The following PAN3 variants were observed in gnomAD, a reference collection of about 807,000 sequenced individuals.
The protein encoded by PAN3 is poly(A) specific ribonuclease subunit PAN3, also known as PAN2-PAN3 deadenylation complex subunit PAN3.
In PAN3, 19 loss-of-function variants were observed where a neutral mutation model predicts 96.2. That is an observed-to-expected ratio of 0.20 (90% CI 0.14 to 0.29). PAN3 has a LOEUF of 0.29. Ranked by LOEUF, PAN3 falls within the 10% of genes least tolerant of loss-of-function variation. The pLI is 1.00. For synonymous variants in PAN3, 433 were observed against 406.6 expected (o/e 1.06, Z -0.78); for missense variants, 882 against 1,108.1 (o/e 0.80, Z 2.90).
intron 1 of PAN3, 59 bp from the exon 2 acceptor site, chr13:28,174,212 GA>G (rs1406288017): frequency 4.0e-6 from 6 of 1,518,488 alleles, no homozygotes; most frequent in Non-Finnish European, 5.4e-6. Flanking sequence ...ACACAGAAGT[GA>G]AATCAATGTT....
intron 1 of PAN3, among the ~76,000 whole-genome samples, chr13:28,143,625 T>C (rs2137920276): frequency 6.6e-6 from 1 of 152,226 alleles, no homozygotes; most frequent in Non-Finnish European, 1.5e-5. Context: ...ATCTGGAAAA[T>C]GGAGATGTTA....
chr13:28,222,136 GC>G (rs1881477148), intron 6 of PAN3, among the ~76,000 whole-genome samples: 1 of 152,046 alleles, frequency 6.6e-6, no homozygotes, highest in South Asian at 2.1e-4. Flanking sequence ...AAAAAAATTA[GC>G]CTTTTCAATT....
At chr13:28,272,137 A>G (rs1208996866) in intron 14 of PAN3, 66 bp downstream of exon 14, 4 of 1,195,122 alleles carry the variant, frequency 3.3e-6, no homozygotes, top group Non-Finnish European at 4.7e-6. Context: ...TGTTCATTTT[A>G]AAGTATTTCA....
At chr13:28,249,669 C>T (rs1322220063) in intron 6 of PAN3, among the ~76,000 whole-genome samples, 5 of 151,986 alleles carry the variant, frequency 3.3e-5, no homozygotes, top group African/African-American at 7.3e-5. Flanking sequence ...AGGCTGGTCT[C>T]GAACTCCTGA....
chr13:28,218,350 A>G (rs1466944157), intron 5 of PAN3, among the ~76,000 whole-genome samples: 2 of 152,032 alleles, frequency 1.3e-5, no homozygotes, highest in African/African-American at 4.8e-5. Context: ...TCTGCCATTT[A>G]AATTATTTTA....
intron 5 of PAN3, among the ~76,000 whole-genome samples, chr13:28,201,534 A>G (rs1267355646): frequency 6.6e-6 from 1 of 151,902 alleles, no homozygotes; most frequent in African/African-American, 2.4e-5. Context: ...CAACAGAGCA[A>G]GACTCCATCT....
intron 1 of PAN3, among the ~76,000 whole-genome samples, chr13:28,173,715 C>T (rs1874593738): frequency 6.6e-6 from 1 of 152,192 alleles, no homozygotes; most frequent in South Asian, 2.1e-4. Context: ...GACACAGTGT[C>T]CCGTTGATTG....
At chr13:28,143,521 A>G (rs984605040) in intron 1 of PAN3, among the ~76,000 whole-genome samples, 1 of 152,206 alleles carries the variant, frequency 6.6e-6, no homozygotes, top group African/African-American at 2.4e-5. Flanking sequence ...TAATGTAGTT[A>G]CTAGTGAATA....
intron 6 of PAN3, among the ~76,000 whole-genome samples, chr13:28,254,274 T>C (rs147300636): frequency 4.5e-4 from 68 of 152,360 alleles, no homozygotes; most frequent in Non-Finnish European, 2.9e-5. Context: ...GTAATTATTT[T>C]GATCTTTTAA....
chr13:28,289,536 G>A (rs927318075), intron 18 of PAN3, among the ~76,000 whole-genome samples: 5 of 152,174 alleles, frequency 3.3e-5, no homozygotes, highest in African/African-American at 1.2e-4. Flanking sequence ...CCCCCAAAGT[G>A]TTGGGATAAT....
intron 6 of PAN3, among the ~76,000 whole-genome samples, chr13:28,228,247 C>T (rs977757980): frequency 6.6e-6 from 1 of 152,120 alleles, no homozygotes; most frequent in Admixed American, 6.5e-5. Flanking sequence ...CTTGAATTAT[C>T]CTTTGATTCT....
At chr13:28,189,743 A>G (rs1876992317) in intron 4 of PAN3, among the ~76,000 whole-genome samples, 1 of 152,160 alleles carries the variant, frequency 6.6e-6, no homozygotes. Context: ...GACCAGGAGC[A>G]TCTGCAGTCT....
intron 1 of PAN3, among the ~76,000 whole-genome samples, chr13:28,159,551 C>T (rs534285740): frequency 3.3e-5 from 5 of 152,192 alleles, no homozygotes; most frequent in East Asian, 3.9e-4. Context: ...CTGGTTCAAA[C>T]GATTCTCCTG....
intron 1 of PAN3, among the ~76,000 whole-genome samples, chr13:28,166,330 A>G (rs1030976569): frequency 4.6e-5 from 7 of 152,258 alleles, no homozygotes; most frequent in Non-Finnish European, 1.0e-4. Flanking sequence ...CCCAAAACCC[A>G]GCAAGGCAAA....
intron 1 of PAN3, among the ~76,000 whole-genome samples, chr13:28,167,326 A>T (rs112617741): frequency 0.019 from 2,914 of 151,570 alleles, 107 homozygotes; most frequent in African/African-American, 0.067. Flanking sequence ...TGCCTGGCTG[A>T]TGTTTGTATT....
At chr13:28,144,228 TTTTTTTG>T (rs1870274167) in intron 1 of PAN3, among the ~76,000 whole-genome samples, 1 of 145,620 alleles carries the variant, frequency 6.9e-6, no homozygotes, top group African/African-American at 2.5e-5. Flanking sequence ...TTTTTTTTTT[TTTTTTTG>T]ATATGGAGTC....
In PAN3 at chr13:28,272,090, G is replaced by T; in HGVS notation, c.2049+19G>T. 6.9e-7 allele frequency: 1 copy of T among 1,441,384 alleles called. No homozygotes were observed. The highest frequency in any genetic ancestry group is 2.4e-5 in the East Asian group (1 of 42,496). The allele number at this position is 1,441,384 out of a possible 1,614,324, so 89.3% of individuals were successfully genotyped here. A position where few individuals can be genotyped will look rare whatever the true frequency, so the allele number is the denominator to read the frequency against. On this transcript the variant is annotated intron_variant, in intron 14 of 18. Coordinates refer to ENST00000380958, the MANE Select transcript of PAN3 (RefSeq NM_175854.8). The stretch of plus-strand genomic sequence containing the variant: ...GTACCAGGTGAGTAAGAATTAACAT[G>T]GATATTTACTTGTTTTCCTTTATTA...
At chr13:28,272,306 T>G (rs1886687330) in intron 14 of PAN3, 1 of 310,366 alleles carries the variant, frequency 3.2e-6, no homozygotes, top group Non-Finnish European at 5.9e-6. Context: ...TGTCTTGCTC[T>G]GTCACCTGGG....
chr13:28,176,661 A>G, intron 3 of PAN3, 102 bp downstream of exon 3: 1 of 1,124,604 alleles, frequency 8.9e-7, no homozygotes. Flanking sequence ...GTAAACGGGC[A>G]TAAAGAAGAA....
Sources: allele counts gnomAD v4.1 joint callset (sites outside exome capture counted in the v4.1 genomes callset), GRCh38; gene constraint gnomAD v4.1.1; transcripts MANE v1.5; gene names NCBI Gene and HGNC (gene_info 2026-07-23, HGNC 2026-07-21).